The following KIAA2012 variants were observed in gnomAD, a reference collection of about 807,000 sequenced individuals.
KIAA2012 encodes KIAA2012.
Under a neutral mutation model 150.6 loss-of-function variants are expected in KIAA2012, and 125 were observed. The ratio of observed to expected loss-of-function variants is 0.83; its 90% confidence interval spans 0.72 to 0.96. The LOEUF is 0.96. Among genes scored for constraint, KIAA2012 ranks in the 40% least tolerant of loss-of-function variants. KIAA2012 has a pLI of 0.00. For synonymous variants in KIAA2012, 462 were observed against 504.7 expected, an observed-to-expected ratio of 0.92 and a Z score of 1.13; for missense variants, 1,219 against 1,354.9, an observed-to-expected ratio of 0.90 and a Z score of 1.57.
intron 10 of KIAA2012, among the ~76,000 whole-genome samples, chr2:202,111,798 G>A (rs1234393154): frequency 1.3e-5 from 2 of 152,130 alleles, no homozygotes; most frequent in Non-Finnish European, 2.9e-5. Context: ...GTATGGGGGT[G>A]TGTGTGCATG....
intron 13 of KIAA2012, among the ~76,000 whole-genome samples, chr2:202,142,782 A>C (rs906831732): frequency 7.2e-5 from 11 of 152,232 alleles, no homozygotes; most frequent in Non-Finnish European, 1.3e-4. Flanking sequence ...ATAATTTGGC[A>C]ATGGCAGTTT....
intron 15 of KIAA2012, among the ~76,000 whole-genome samples, chr2:202,167,369 A>G (rs187879008): frequency 5.3e-5 from 8 of 152,286 alleles, no homozygotes; most frequent in Admixed American, 2.6e-4. Flanking sequence ...GATTCATTAG[A>G]TCTGGGCTGA....
chr2:202,097,592 T>C lies in KIAA2012; in HGVS notation c.828+15T>C, dbSNP rs1689924713. 4 of 1,498,162 alleles carry C rather than the reference T, an allele frequency of 2.7e-6. No individual in the cohort carries two copies. The highest frequency in any genetic ancestry group is 2.7e-6 in the Non-Finnish European group (3 of 1,115,202). 92.8% of individuals were successfully genotyped at this position (1,498,162 alleles called of 1,614,324 possible). On this transcript the variant is annotated intron_variant, in intron 5 of 23. Transcript: ENST00000498697. ...CGCAGGCAGAGGTACCATTTCTTTT[T>C]TTTTTTTTTTTCCCCGAGACGGAGT...
intron 14 of KIAA2012, among the ~76,000 whole-genome samples, chr2:202,157,319 G>A (rs2105714266): frequency 6.6e-6 from 1 of 152,324 alleles, no homozygotes; most frequent in East Asian, 1.9e-4. Flanking sequence ...AAACAGAGAA[G>A]AGCACACAGG....
chr2:202,109,917 T>G, intron 10 of KIAA2012, 128 bp downstream of exon 10: 1 of 786,414 alleles, frequency 1.3e-6, no homozygotes, highest in Non-Finnish European at 1.9e-6. Flanking sequence ...TTGACACTGT[T>G]TCTGATGATG....
chr2:202,184,754 C>T lies in KIAA2012; in HGVS notation c.2121C>T (p.Asp707=), dbSNP rs1298821120. Residue 707 remains aspartate (D), a splice_region_variant and synonymous_variant, in exon 16 of 24, where the codon GAC becomes GAT. Transcript: ENST00000498697. ...PLRETHHNDQ[D]PEPRSMTLDS... Reference sequence around the variant, plus strand: ...TTGATTGATACTCTGTTTTCACAGACCCAGAGCCAAGGAGTATGACCCTTG... The same window carrying T: ...TTGATTGATACTCTGTTTTCACAGATCCAGAGCCAAGGAGTATGACCCTTG... The T allele has an allele frequency of 3.3e-6, 5 of 1,535,808 alleles. No individual in the cohort carries two copies. The highest frequency in any genetic ancestry group is 4.4e-6 in the Non-Finnish European group (5 of 1,142,376).
intron 13 of KIAA2012, among the ~76,000 whole-genome samples, chr2:202,149,437 T>G (rs1691376955): frequency 6.6e-6 from 1 of 152,172 alleles, no homozygotes; most frequent in South Asian, 2.1e-4. Flanking sequence ...ATTTCAGATC[T>G]TGGTTACAAA....
At chr2:202,157,269 GAC>G (rs1340177793) in intron 14 of KIAA2012, among the ~76,000 whole-genome samples, 2 of 152,338 alleles carry the variant, frequency 1.3e-5, no homozygotes, top group African/African-American at 2.4e-5. Context: ...CATGTAGTAA[GAC>G]ACAGTCTCAG....
chr2:202,132,776 A>G lies in KIAA2012; in HGVS notation c.1832-5656A>G, dbSNP rs1483519334. On this transcript the variant is annotated intron_variant, in intron 12 of 23. Coordinates refer to ENST00000498697, the MANE Select transcript of KIAA2012 (RefSeq NM_001277372.4). ...TATATGTATATATATACATATATAC[A>G]TATATATATGCGTATATATATATAT... Among the ~76,000 whole-genome samples, 141 of 50,278 alleles carry G rather than the reference A, an allele frequency of 2.8e-3. 5 individuals carry two copies. The highest frequency in any genetic ancestry group is 8.7e-3 in the African/African-American group (110 of 12,652). 33.0% of individuals were successfully genotyped at this position (50,278 alleles called of 152,430 possible).
chr2:202,086,404 A>G (rs1301355996), intron 2 of KIAA2012, among the ~76,000 whole-genome samples: 1 of 152,192 alleles, frequency 6.6e-6, no homozygotes, highest in African/African-American at 2.4e-5. Flanking sequence ...TAAAGGCTCC[A>G]TATTTCAGGG....
intron 11 of KIAA2012, among the ~76,000 whole-genome samples, chr2:202,119,194 C>G (rs190612602): frequency 1.9e-3 from 282 of 151,996 alleles, no homozygotes; most frequent in African/African-American, 6.1e-3. Context: ...ATTACTTGAA[C>G]CTGGGAGGCA....
chr2:202,184,970 C>A, intron 16 of KIAA2012, 127 bp downstream of exon 16: 3 of 623,384 alleles, frequency 4.8e-6, no homozygotes, highest in South Asian at 4.5e-5. Flanking sequence ...GCTCTAACAG[C>A]CAAAATTAAA....
chr2:202,100,862 C>T (rs1280865694), intron 7 of KIAA2012, among the ~76,000 whole-genome samples: 1 of 152,214 alleles, frequency 6.6e-6, no homozygotes, highest in Non-Finnish European at 1.5e-5. Context: ...GGTCTATCAC[C>T]TTTGAAAATG....
chr2:202,087,416 G>T lies in KIAA2012; in HGVS notation c.370-3354G>T, dbSNP rs139963646. On this transcript the variant is annotated intron_variant, in intron 2 of 23. Transcript: ENST00000498697. ...TAATCCCAACTACTCCGGAGGCTGA[G>T]GCAGGAGAATCGTTTGAACCCAGGA... Among the ~76,000 whole-genome samples the T allele has an allele frequency of 4.5e-3, 669 of 150,218 alleles. 7 individuals carry two copies. Among genetic ancestry groups the T allele is most frequent in the African/African-American group, 0.015 (628 of 40,896 alleles).
At position 202,200,869 on chromosome 2, in the gene KIAA2012, G is replaced by A. The variant is rs543443389; in HGVS notation, c.3408-1560G>A. 3.3e-5 allele frequency among the ~76,000 whole-genome samples: 5 copies of A among 151,952 alleles called. No homozygotes were observed. In the East Asian group the frequency reaches 9.7e-4, roughly 29 times the overall value. On this transcript the variant is annotated intron_variant, in intron 22 of 23. Coordinates refer to ENST00000498697, the MANE Select transcript of KIAA2012 (RefSeq NM_001277372.4). ...TTACAGGCATGCACCACTACGCCCGGCTAATTTTGTATTTTTAGTAGAGAC... is the reference window on the plus strand; with the variant it reads ...TTACAGGCATGCACCACTACGCCCGACTAATTTTGTATTTTTAGTAGAGAC...
At chr2:202,183,550 T>C (rs767254157) in intron 15 of KIAA2012, among the ~76,000 whole-genome samples, 28 of 145,788 alleles carry the variant, frequency 1.9e-4, no homozygotes, top group Non-Finnish European at 3.1e-4. Flanking sequence ...GTGGTGCTCA[T>C]TGGAGTGCAG....
At chr2:202,187,880 AT>A (rs1692261198) in intron 17 of KIAA2012, among the ~76,000 whole-genome samples, 1 of 152,214 alleles carries the variant, frequency 6.6e-6, no homozygotes, top group Non-Finnish European at 1.5e-5. Context: ...GTGAATCATG[AT>A]TTAGAATCTA....
intron 2 of KIAA2012, chr2:202,076,796 A>G (rs1689334317): frequency 2.8e-6 from 1 of 362,250 alleles, no homozygotes; most frequent in Non-Finnish European, 5.5e-6. Context: ...CCAGTGGTCC[A>G]CTGGTCATTG....
intron 13 of KIAA2012, among the ~76,000 whole-genome samples, chr2:202,151,475 A>T (rs1169345900): frequency 6.6e-6 from 1 of 151,296 alleles, no homozygotes; most frequent in African/African-American, 2.5e-5. Context: ...TGATTGCTAA[A>T]GATAGATTCA....
Sources: allele counts gnomAD v4.1 joint callset (sites outside exome capture counted in the v4.1 genomes callset), GRCh38; gene constraint gnomAD v4.1.1; transcripts MANE v1.5; gene names NCBI Gene and HGNC (gene_info 2026-07-23, HGNC 2026-07-21).